TRPM7: variants seen among roughly 807,000 people sequenced by gnomAD.
TRPM7 encodes transient receptor potential cation channel subfamily M member 7, also known as LTRPC ion channel family member 7.
A neutral mutation model predicts 229.7 loss-of-function variants in TRPM7; 134 were observed. That is an observed-to-expected ratio of 0.58 (90% CI 0.51 to 0.67). The LOEUF (loss-of-function observed/expected upper bound fraction) is 0.67. Among genes scored for constraint, TRPM7 ranks in the 30% least tolerant of loss-of-function variants. TRPM7 has a pLI of 0.00. For synonymous variants in TRPM7, 699 were observed against 715.2 expected, an observed-to-expected ratio of 0.98 and a Z score of 0.36; for missense variants, 1,901 against 2,210.0, an observed-to-expected ratio of 0.86 and a Z score of 2.80.
At chr15:50,603,766 A>G (rs2059844584) in intron 21 of TRPM7, among the ~76,000 whole-genome samples, 1 of 152,160 alleles carries the variant, frequency 6.6e-6, no homozygotes, top group Non-Finnish European at 1.5e-5. Flanking sequence ...AGATTAAGGG[A>G]GTATAAGAAA....
rs1219903987 is a variant in TRPM7 at position 50,609,824 on chromosome 15, T to C, written c.2418A>G (p.Ile806Met). 2 of 1,612,834 alleles carry C rather than the reference T, an allele frequency of 1.2e-6. No homozygotes were observed. The highest frequency in any genetic ancestry group is 3.3e-5 in the Admixed American group (2 of 59,952). ...TGCTTACCATGGGGATCTCTTCTGT[T>C]ATGTTCTGAAAGTTGTTTTCGCTGT... ...MDDSENNFQN[I>M]TEEIPMEVFK... The change falls in exon 18 of 39, where the codon ATA becomes ATG. Residue 806 changes from isoleucine to methionine, a missense_variant. By Grantham distance (10) the Ile-to-Met change is conservative (BLOSUM62 1). Transcript: ENST00000646667.
In TRPM7 at chr15:50,575,860, A is replaced by ATTAC; in HGVS notation, c.4669+5_4669+8dup. ...AATGCTATTAAATTTTGTTTTTAAT[A>ATTAC]TTACTGACCTGAATAATAGTAATTT... On this transcript the variant is annotated intron_variant, in intron 32 of 38. Transcript: ENST00000646667. 6.2e-7 allele frequency: 1 copy of ATTAC among 1,612,686 alleles called. No homozygotes were observed. Among genetic ancestry groups the ATTAC allele is most frequent in the Non-Finnish European group, 8.5e-7 (1 of 1,179,448 alleles).
intron 11 of TRPM7, among the ~76,000 whole-genome samples, chr15:50,627,372 C>A (rs977818837): frequency 6.6e-6 from 1 of 151,632 alleles, no homozygotes; most frequent in Non-Finnish European, 1.5e-5. Flanking sequence ...TGGTTAGAGG[C>A]CAGAAAGATA....
At chr15:50,616,447 A>C (rs2060224093) in intron 13 of TRPM7, among the ~76,000 whole-genome samples, 1 of 152,188 alleles carries the variant, frequency 6.6e-6, no homozygotes, top group Admixed American at 6.5e-5. Flanking sequence ...AAGGAGGGGG[A>C]ATTTTAATTA....
chr15:50,594,482 A>G lies in TRPM7; in HGVS notation c.3422T>C (p.Leu1141Pro), dbSNP rs765135173. The change falls in exon 24 of 39, where the codon CTG becomes CCG. Residue 1141 changes from leucine to proline, a missense_variant. By Grantham distance (98) the Leu-to-Pro change is moderately conservative (BLOSUM62 -3). Transcript: ENST00000646667. ...PLIILSHIVSLFCCICKRRKK... is the reference protein window; with the variant it reads ...PLIILSHIVSPFCCICKRRKK... ...TCTTCTCTTACATATGCAGCAAAAC[A>G]GAGAAACTATATGGCTAAGAATGAT... 12 of 1,613,154 alleles carry G rather than the reference A, an allele frequency of 7.4e-6. No individual in the cohort carries two copies. Among genetic ancestry groups the G allele is most frequent in the Non-Finnish European group, 1.0e-5 (12 of 1,179,704 alleles).
chr15:50,660,928 C>T (rs2061705725), intron 2 of TRPM7, among the ~76,000 whole-genome samples: 2 of 151,262 alleles, frequency 1.3e-5, no homozygotes, highest in Admixed American at 6.6e-5. Context: ...AATAGTAGAA[C>T]AGGTATATAA....
intron 28 of TRPM7, among the ~76,000 whole-genome samples, chr15:50,584,963 T>TC (rs1321969513): frequency 6.6e-6 from 1 of 151,724 alleles, no homozygotes. Context: ...GCAACCTCCA[T>TC]CTCCTGGGTT....
Position 50,568,126 on chromosome 15 carries a change from A to C in TRPM7, c.5467+1761T>G, listed in dbSNP as rs1040597214. On this transcript the variant is annotated intron_variant, in intron 38 of 38. Transcript: ENST00000646667. ...GACTCTGTCTCAAAAAAAAAAAAAA[A>C]AAAAAACAAGGAGTAGAAGGAAATT... Among the ~76,000 whole-genome samples the C allele has an allele frequency of 2.6e-5, 4 of 151,172 alleles. 1 individual carries two copies. Among genetic ancestry groups the C allele is most frequent in the African/African-American group, 7.3e-5 (3 of 41,220 alleles).
At chr15:50,567,041 T>TAA (rs201489892) in intron 38 of TRPM7, among the ~76,000 whole-genome samples, 2 of 145,464 alleles carry the variant, frequency 1.4e-5, no homozygotes, top group South Asian at 2.2e-4. Flanking sequence ...ATTTGACAAT[T>TAA]AAAAAAAAAA....
chr15:50,673,252 C>T (rs1013614849), intron 1 of TRPM7, among the ~76,000 whole-genome samples: 1 of 152,092 alleles, frequency 6.6e-6, no homozygotes. Context: ...TACACCTATA[C>T]TATTTTTTAT....
At chr15:50,587,405 CT>C (rs34826776) in intron 27 of TRPM7, among the ~76,000 whole-genome samples, 2,696 of 91,602 alleles carry the variant, frequency 0.029, 33 homozygotes, top group African/African-American at 0.095. Flanking sequence ...ATAAATACTG[CT>C]TTTTTTTTTT....
intron 21 of TRPM7, 180 bp downstream of exon 21, chr15:50,604,686 T>A (rs2059876492): frequency 1.7e-6 from 1 of 591,484 alleles, no homozygotes; most frequent in African/African-American, 1.9e-5. Flanking sequence ...ACTAAATGGG[T>A]ATAGGGGATT....
At chr15:50,655,572 G>A (rs374059078) in intron 3 of TRPM7, among the ~76,000 whole-genome samples, 2 of 150,872 alleles carry the variant, frequency 1.3e-5, no homozygotes, top group African/African-American at 2.4e-5. Context: ...AAAACCAAAG[G>A]AATAGAAAAA....
At chr15:50,592,668 T>C (rs766827950) in intron 25 of TRPM7, 42 bp from the exon 26 acceptor site, 2 of 1,339,734 alleles carry the variant, frequency 1.5e-6, no homozygotes, top group South Asian at 1.4e-5. Context: ...TGTGAAAAAA[T>C]AATGTAGAAT....
intron 29 of TRPM7, among the ~76,000 whole-genome samples, chr15:50,581,973 GTTTT>G (rs918378832): frequency 3.3e-5 from 5 of 151,702 alleles, no homozygotes; most frequent in Admixed American, 2.0e-4. Context: ...ACTGAGTGGG[GTTTT>G]TTTGAGATGG....
intron 1 of TRPM7, among the ~76,000 whole-genome samples, chr15:50,671,847 T>A (rs1373668364): frequency 6.6e-6 from 1 of 152,128 alleles, no homozygotes; most frequent in Non-Finnish European, 1.5e-5. Flanking sequence ...GCAGCCATCA[T>A]AAGTTCATAG....
intron 22 of TRPM7, among the ~76,000 whole-genome samples, chr15:50,598,035 A>C (rs573318727): frequency 3.0e-4 from 46 of 152,346 alleles, no homozygotes; most frequent in Admixed American, 7.8e-4. Flanking sequence ...CTACCGCCCA[A>C]GAACAAATAA....
At chr15:50,562,560 AG>A (rs879702837) in intron 38 of TRPM7, among the ~76,000 whole-genome samples, 1 of 152,172 alleles carries the variant, frequency 6.6e-6, no homozygotes, top group Non-Finnish European at 1.5e-5. Context: ...ATTTGAGGTC[AG>A]GAGTTCAAGA....
chr15:50,601,110 G>C (rs2059769530), intron 21 of TRPM7, among the ~76,000 whole-genome samples: 1 of 152,158 alleles, frequency 6.6e-6, no homozygotes, highest in Non-Finnish European at 1.5e-5. Context: ...ATATATTTTA[G>C]AATACAAATG....
Sources: allele counts gnomAD v4.1 joint callset (sites outside exome capture counted in the v4.1 genomes callset), GRCh38; gene constraint gnomAD v4.1.1; transcripts MANE v1.5; gene names NCBI Gene and HGNC (gene_info 2026-07-23, HGNC 2026-07-21).